Variants in ARHGAP5 observed in about 807,000 individuals in gnomAD.
The protein encoded by ARHGAP5 is Rho GTPase activating protein 5.
A neutral mutation model predicts 116.6 loss-of-function variants in ARHGAP5; 23 were observed. The observed-to-expected ratio is 0.20, with a 90% CI of 0.14 to 0.28. The LOEUF (loss-of-function observed/expected upper bound fraction) is 0.28, where lower values mean the gene tolerates loss of function less well. Among genes scored for constraint, ARHGAP5 ranks in the 10% least tolerant of loss-of-function variants. The pLI is 1.00. For synonymous variants in ARHGAP5, 574 were observed against 602.0 expected (o/e 0.95, Z 0.68); for missense variants, 1,405 against 1,774.8 (o/e 0.79, Z 3.74).
chr14:32,113,512 T>G (rs1044099050), intron 2 of ARHGAP5, among the ~76,000 whole-genome samples: 12 of 152,220 alleles, frequency 7.9e-5, no homozygotes, highest in Non-Finnish European at 1.3e-4. Flanking sequence ...ATTAGATTGC[T>G]AGCTCTGAAT....
In ARHGAP5 at chr14:32,154,894, G is replaced by A. The variant is rs1365765282; in HGVS notation, c.4455G>A (p.Leu1485=). 1 of 1,613,968 alleles carries A rather than the reference G, an allele frequency of 6.2e-7. No homozygotes were observed. The highest frequency in any genetic ancestry group is 8.5e-7 in the Non-Finnish European group (1 of 1,179,904). ...PMVPLQLPPP[L]QPQLIQPQLQ... Reference sequence around the variant, plus strand: ...TGCCACTTCAGTTGCCGCCACCATTGCAACCTCAGCTGATACAACCACAAT... The same window carrying A: ...TGCCACTTCAGTTGCCGCCACCATTACAACCTCAGCTGATACAACCACAAT... The change falls in exon 7 of 7, where the codon TTG becomes TTA. Residue 1485 remains leucine, a synonymous_variant. Coordinates refer to ENST00000345122, the MANE Select transcript of ARHGAP5 (RefSeq NM_001030055.2).
chr14:32,133,761 A>G (rs1447033745), intron 3 of ARHGAP5, among the ~76,000 whole-genome samples: 1 of 152,206 alleles, frequency 6.6e-6, no homozygotes, highest in Admixed American at 6.5e-5. Context: ...CATCCCATCA[A>G]TACCTAATTT....
In ARHGAP5 at chr14:32,086,306, G is replaced by A. The variant is rs1480593372; in HGVS notation, c.-168-4196G>A. Among the ~76,000 whole-genome samples, 3 of 152,112 alleles carry A rather than the reference G, an allele frequency of 2.0e-5. No individual in the cohort carries two copies. The South Asian group carries it at 6.2e-4, about 32-fold the overall frequency. On this transcript the variant is annotated intron_variant, in intron 1 of 6. Transcript: ENST00000345122. ...GAGAAGATCTTGTAAGCCATTGACA[G>A]GACTTGCTTTTTATTTTTAGCAGTA...
intron 1 of ARHGAP5, among the ~76,000 whole-genome samples, chr14:32,082,004 C>T: frequency 6.6e-6 from 1 of 152,114 alleles, no homozygotes; most frequent in East Asian, 1.9e-4. Context: ...GATCATCAGG[C>T]ATTAATTAGT....
Position 32,090,964 on chromosome 14 carries a change from A to G in ARHGAP5, c.295A>G (p.Ile99Val), listed in dbSNP as rs377715761. 15 of 1,613,710 alleles carry G rather than the reference A, an allele frequency of 9.3e-6. No individual in the cohort carries two copies. Among genetic ancestry groups the G allele is most frequent in the Non-Finnish European group, 1.1e-5 (13 of 1,179,682 alleles). ...KIHVIEQTEF[I>V]DDQTFLPHRS... ...TCATGTCATTGAACAAACAGAGTTC[A>G]TTGATGACCAGACTTTCTTGCCTCA... is the stretch of plus-strand genomic sequence containing the variant. Residue 99 changes from isoleucine to valine, a missense_variant, in exon 2 of 7, where the codon ATT becomes GTT. By Grantham distance (29) the Ile-to-Val change is conservative. Coordinates refer to ENST00000345122, the MANE Select transcript of ARHGAP5 (RefSeq NM_001030055.2).
At chr14:32,143,750 T>C (rs1192967222) in intron 3 of ARHGAP5, among the ~76,000 whole-genome samples, 2 of 152,156 alleles carry the variant, frequency 1.3e-5, no homozygotes, top group Non-Finnish European at 2.9e-5. Context: ...AAGGGCAAGA[T>C]TTTAGTGTGG....
At chr14:32,081,807 A>G (rs908136763) in intron 1 of ARHGAP5, among the ~76,000 whole-genome samples, 1 of 152,208 alleles carries the variant, frequency 6.6e-6, no homozygotes, top group African/African-American at 2.4e-5. Flanking sequence ...TTACTGATTC[A>G]AAATTGTTTC....
In ARHGAP5 at chr14:32,097,007, G is replaced by A. The variant is rs545724248; in HGVS notation, c.3717+2621G>A. Among the ~76,000 whole-genome samples the A allele has an allele frequency of 1.8e-4, 28 of 152,242 alleles. No homozygotes were observed. The South Asian group carries it at 5.4e-3, about 29-fold the overall frequency. On this transcript the variant is annotated intron_variant, in intron 2 of 6. Coordinates refer to ENST00000345122, the MANE Select transcript of ARHGAP5 (RefSeq NM_001030055.2). Reference sequence around the variant, plus strand: ...CTGATTTGGCCTATTCTCATTGATGGCAAAACCTGACTTGAATGGATGTAA... The same window carrying A: ...CTGATTTGGCCTATTCTCATTGATGACAAAACCTGACTTGAATGGATGTAA...
chr14:32,135,315 A>T (rs998011722), intron 3 of ARHGAP5, among the ~76,000 whole-genome samples: 1 of 152,170 alleles, frequency 6.6e-6, no homozygotes, highest in African/African-American at 2.4e-5. Context: ...GCTGAAAGCA[A>T]CTCATCTATT....
chr14:32,126,078 ATTTC>A (rs1196755455), intron 3 of ARHGAP5, among the ~76,000 whole-genome samples: 1 of 151,926 alleles, frequency 6.6e-6, no homozygotes, highest in African/African-American at 2.4e-5. Context: ...AATGCTTTCT[ATTTC>A]TTTGTCTTGC....
rs1881986113 is a variant in ARHGAP5, at chr14:32,158,323, G to A, written c.*3375G>A. ...AAATTTTTTCTGGGGATGTATATAG[G>A]TGAAAATTTGATTTTTTAAATTATC... On this transcript the variant is annotated 3_prime_UTR_variant, in exon 7 of 7. Coordinates refer to ENST00000345122, the MANE Select transcript of ARHGAP5 (RefSeq NM_001030055.2). 6.6e-6 allele frequency: 1 copy of A among 151,810 alleles called. No homozygotes were observed. Among genetic ancestry groups the A allele is most frequent in the African/African-American group, 2.4e-5 (1 of 41,400 alleles). 9.4% of individuals were successfully genotyped at this position (151,810 alleles called of 1,614,324 possible).
intron 3 of ARHGAP5, 60 bp from the exon 4 acceptor site, chr14:32,146,203 G>T: frequency 7.8e-7 from 1 of 1,279,006 alleles, no homozygotes; most frequent in Non-Finnish European, 1.1e-6. Context: ...GAGCCACTGT[G>T]CCCAGCCGTG....
At chr14:32,128,095 G>A (rs367694167) in intron 3 of ARHGAP5, among the ~76,000 whole-genome samples, 8 of 150,286 alleles carry the variant, frequency 5.3e-5, no homozygotes, top group African/African-American at 2.0e-4. Flanking sequence ...GGGTGGCCGG[G>A]CAGAGTCGCT....
At chr14:32,138,378 G>A (rs1243617300) in intron 3 of ARHGAP5, among the ~76,000 whole-genome samples, 1 of 152,172 alleles carries the variant, frequency 6.6e-6, no homozygotes, top group East Asian at 1.9e-4. Flanking sequence ...TCCACTCCTG[G>A]GTTCAAGCAA....
At chr14:32,122,430 A>G (rs1016942789) in intron 3 of ARHGAP5, among the ~76,000 whole-genome samples, 3 of 152,138 alleles carry the variant, frequency 2.0e-5, no homozygotes, top group Admixed American at 6.5e-5. Flanking sequence ...TTCAAATACG[A>G]TTTGCTAAAA....
At chr14:32,134,915 T>A (rs1329930234) in intron 3 of ARHGAP5, among the ~76,000 whole-genome samples, 1 of 152,202 alleles carries the variant, frequency 6.6e-6, no homozygotes, top group Non-Finnish European at 1.5e-5. Flanking sequence ...GATCTTTATC[T>A]CTCACATTCC....
intron 2 of ARHGAP5, among the ~76,000 whole-genome samples, chr14:32,115,928 G>T (rs934212934): frequency 6.6e-6 from 1 of 151,764 alleles, no homozygotes; most frequent in African/African-American, 2.4e-5. Context: ...CCGGGAGGCG[G>T]AGGTTGCAGT....
Position 32,092,003 on chromosome 14 carries a change from C to T in ARHGAP5, c.1334C>T (p.Ser445Leu). The change falls in exon 2 of 7, where the codon TCA (serine) becomes TTA (leucine). Residue 445 changes from serine (S) to leucine (L), a missense_variant. By Grantham distance (145) the Ser-to-Leu change is moderately radical. Transcript: ENST00000345122. The surrounding 1 kb of genome is among the most constrained non-coding windows in gnomAD (Gnocchi z 4.1). Reference sequence around the variant, plus strand: ...ACTTTGGAAAAAATTCAATTCATTTCACCAGGGCAGCCATGGGAGGAAGTT... The same window carrying T: ...ACTTTGGAAAAAATTCAATTCATTTTACCAGGGCAGCCATGGGAGGAAGTT... ...KKTLEKIQFI[S>L]PGQPWEEVMC... 6.2e-7 allele frequency: 1 copy of T among 1,613,598 alleles called. No individual in the cohort carries two copies. The highest frequency in any genetic ancestry group is 8.5e-7 in the Non-Finnish European group (1 of 1,179,678).
chr14:32,080,398 C>G (rs1004722194), intron 1 of ARHGAP5, among the ~76,000 whole-genome samples: 10 of 151,272 alleles, frequency 6.6e-5, no homozygotes, highest in African/African-American at 2.4e-4. Flanking sequence ...CAACAAACCC[C>G]CTTGACATGA....
Sources: allele counts gnomAD v4.1 joint callset (sites outside exome capture counted in the v4.1 genomes callset), GRCh38; gene constraint gnomAD v4.1.1; non-coding constraint Gnocchi (gnomAD v3.1); transcripts MANE v1.5; gene names NCBI Gene and HGNC (gene_info 2026-07-23, HGNC 2026-07-21).